RANBP2: variants seen among roughly 807,000 people sequenced by gnomAD.
The protein encoded by RANBP2 is RAN binding protein 2, also known as E3 SUMO-protein ligase RanBP2.
A neutral mutation model predicts 303.6 loss-of-function variants in RANBP2; 57 were observed. The observed-to-expected ratio is 0.19, with a 90% CI of 0.15 to 0.23. The LOEUF is 0.23. RANBP2 is among the 10% of genes least tolerant of loss of function. The probability of loss-of-function intolerance (pLI) is 1.00; values close to 1 mark genes in which losing one functional copy is unlikely to be tolerated. For missense variants in RANBP2, 3,138 were observed against 3,780.8 expected, an observed-to-expected ratio of 0.83 and a Z score of 4.46; for synonymous variants, 1,167 against 1,301.5, an observed-to-expected ratio of 0.90 and a Z score of 2.23.
At chr2:108,836,500 A>G in the RANBP2 span, among the ~76,000 whole-genome samples, 5 of 152,290 alleles carry the variant, frequency 3.3e-5, no homozygotes, top group South Asian at 2.1e-4. Context: ...CCTGTTTTCA[A>G]TCCCTTTGGA....
the RANBP2 span, chr2:109,398,441 A>G: frequency 1.3e-6 from 1 of 745,730 alleles, no homozygotes; most frequent in Non-Finnish European, 2.1e-6. Flanking sequence ...ATGCCACCCC[A>G]CCAGCCTCTT....
At chr2:108,946,414 G>A in the RANBP2 span, among the ~76,000 whole-genome samples, 10 of 152,184 alleles carry the variant, frequency 6.6e-5, no homozygotes, top group Non-Finnish European at 1.2e-4. Flanking sequence ...ACAACCCCTT[G>A]GGGACTGGTG....
At chr2:108,888,029 G>GT in the RANBP2 span, among the ~76,000 whole-genome samples, 1 of 152,062 alleles carries the variant, frequency 6.6e-6, no homozygotes, top group African/African-American at 2.4e-5. Flanking sequence ...TTATTTTGAG[G>GT]TAAGTTTCTT....
At chr2:109,736,516 C>A in the RANBP2 span, among the ~76,000 whole-genome samples, 296 of 152,234 alleles carry the variant, frequency 1.9e-3, 1 homozygote, top group Non-Finnish European at 3.5e-3. Flanking sequence ...TAATTTAGAA[C>A]CTGGGACTTT....
chr2:109,212,678 C>G, the RANBP2 span, among the ~76,000 whole-genome samples: 6 of 152,186 alleles, frequency 3.9e-5, no homozygotes, highest in Admixed American at 2.6e-4. Flanking sequence ...GTTAAATGGA[C>G]TCACCTGATT....
chr2:109,646,484 T>C, the RANBP2 span, among the ~76,000 whole-genome samples: 3 of 152,004 alleles, frequency 2.0e-5, no homozygotes, highest in African/African-American at 7.2e-5. Flanking sequence ...CATGTATTTG[T>C]AAACGGCTAA....
chr2:109,192,215 T>C, the RANBP2 span, among the ~76,000 whole-genome samples: 2 of 152,210 alleles, frequency 1.3e-5, no homozygotes, highest in African/African-American at 4.8e-5. Context: ...AACCTCTTTA[T>C]GATTCTGTCT....
the RANBP2 span, among the ~76,000 whole-genome samples, chr2:108,862,814 TAG>T: frequency 6.6e-6 from 1 of 152,208 alleles, no homozygotes; most frequent in Non-Finnish European, 1.5e-5. Flanking sequence ...TTTACGTGGT[TAG>T]ATACTAGTGC....
chr2:109,146,164 C>T, the RANBP2 span, among the ~76,000 whole-genome samples: 4 of 152,118 alleles, frequency 2.6e-5, no homozygotes, highest in Non-Finnish European at 4.4e-5. Context: ...CATTAGAATA[C>T]GTATTAGAAT....
chr2:109,026,297 C>CTTTTTTTTTTTTTTTTT, the RANBP2 span, among the ~76,000 whole-genome samples: 4 of 93,438 alleles, frequency 4.3e-5, no homozygotes, highest in African/African-American at 4.1e-5. Context: ...CCATGCCTAG[C>CTTTTTTTTTTTTTTTTT]TTTTTTTTTT....
At chr2:108,947,513 G>C in the RANBP2 span, among the ~76,000 whole-genome samples, 1 of 152,178 alleles carries the variant, frequency 6.6e-6, no homozygotes, top group Non-Finnish European at 1.5e-5. Context: ...CTTCTGCCTG[G>C]ACATCCAGGC....
chr2:109,261,266 A>C, the RANBP2 span, among the ~76,000 whole-genome samples: 6 of 152,132 alleles, frequency 3.9e-5, no homozygotes, highest in East Asian at 1.2e-3. Flanking sequence ...AGAACAAAGC[A>C]ATGATGTGGA....
chr2:109,347,493 C>G, the RANBP2 span, among the ~76,000 whole-genome samples: 5 of 152,170 alleles, frequency 3.3e-5, no homozygotes, highest in East Asian at 9.7e-4. Flanking sequence ...AGTGGCGCCT[C>G]AGAATGTGCA....
chr2:109,102,834 G>A, the RANBP2 span, among the ~76,000 whole-genome samples: 2 of 152,196 alleles, frequency 1.3e-5, no homozygotes, highest in Non-Finnish European at 2.9e-5. Flanking sequence ...AGCTACTTAA[G>A]TACCTGCTGA....
the RANBP2 span, among the ~76,000 whole-genome samples, chr2:109,560,047 A>C: frequency 6.6e-6 from 1 of 151,354 alleles, no homozygotes; most frequent in African/African-American, 2.4e-5. Flanking sequence ...CAGCCTCCCA[A>C]GTAGCCGGGA....
chr2:108,824,726 T>G, the RANBP2 span, among the ~76,000 whole-genome samples: 1 of 152,206 alleles, frequency 6.6e-6, no homozygotes, highest in African/African-American at 2.4e-5. Context: ...ACATAACAAA[T>G]GTATGTGTTA....
the RANBP2 span, among the ~76,000 whole-genome samples, chr2:109,486,292 G>C: frequency 2.2e-4 from 33 of 152,206 alleles, no homozygotes; most frequent in African/African-American, 7.9e-4. Flanking sequence ...TTTGGGGGTG[G>C]GGCCCACATT....
At chr2:108,994,603 T>C in the RANBP2 span, among the ~76,000 whole-genome samples, 4 of 152,218 alleles carry the variant, frequency 2.6e-5, no homozygotes, top group South Asian at 2.1e-4. Flanking sequence ...ATATGAAATA[T>C]TGATATCTTC....
At chr2:109,515,823 G>A in the RANBP2 span, among the ~76,000 whole-genome samples, 11 of 152,008 alleles carry the variant, frequency 7.2e-5, no homozygotes, top group African/African-American at 1.7e-4. Flanking sequence ...TTTTTCAAAC[G>A]ATCAGATCTC....
Sources: gnomAD v4.1 joint callset for allele counts (sites outside exome capture counted in the v4.1 genomes callset) on GRCh38, gnomAD v4.1.1 for gene constraint, MANE v1.5 for transcripts, NCBI Gene and HGNC (gene_info 2026-07-23, HGNC 2026-07-21) for gene names.